PLAC8L1: variants seen among roughly 807,000 people sequenced by gnomAD.
PLAC8L1 encodes the protein PLAC8-like protein 1.
A neutral mutation model predicts 16.3 loss-of-function variants in PLAC8L1; 13 were observed. The ratio of observed to expected loss-of-function variants is 0.80; its 90% CI spans 0.52 to 1.27. PLAC8L1 has a LOEUF of 1.27. Ranked by LOEUF, PLAC8L1 falls within the 50% of genes most tolerant of loss-of-function variation. The pLI, the probability that PLAC8L1 is intolerant of heterozygous loss-of-function variation, is 0.00. For synonymous variants in PLAC8L1, 78 were observed against 79.3 expected (o/e 0.98, Z 0.09); for missense variants, 184 against 220.2 (o/e 0.84, Z 1.04).
intron 1 of PLAC8L1, chr5:146,103,545 G>T (rs1325121138): frequency 1.7e-6 from 1 of 604,360 alleles, no homozygotes; most frequent in African/African-American, 2.0e-5. Context: ...TCCCAGGATA[G>T]GGAAGTTTTA....
Position 146,104,193 on chromosome 5 carries a change from C to T in PLAC8L1, c.119G>A (p.Arg40Lys), listed in dbSNP as rs147348129. ...GGGAAAAACTCACCCTATTCCCTAC[C>T]TCAAGTTGGAAATAAAATGTTCATC... is the stretch of plus-strand genomic sequence containing the variant. ...SEDEHFISNL[R>K]GHVPASAVVK... The change falls in exon 1 of 4, where the codon AGA becomes AAA. Residue 40 changes from arginine (R) to lysine (K), a missense_variant and splice_region_variant. Arg to Lys is a conservative substitution (Grantham distance 26). Transcript: ENST00000311450. The T allele has an allele frequency of 5.2e-4, 832 of 1,613,240 alleles. No homozygotes were observed. The highest frequency in any genetic ancestry group is 6.5e-4 in the Non-Finnish European group (772 of 1,179,620).
chr5:146,088,234 T>A (rs1001121217), intron 2 of PLAC8L1, among the ~76,000 whole-genome samples: 1 of 152,214 alleles, frequency 6.6e-6, no homozygotes, highest in Non-Finnish European at 1.5e-5. Flanking sequence ...AGTACTGGGA[T>A]TACAAGCATG....
Position 146,098,251 on chromosome 5 carries a change from C to A in PLAC8L1, c.161G>T (p.Arg54Leu). ...PASAVVKQPV[R>L]GASGRTTITA... The stretch of plus-strand genomic sequence containing the variant: ...GATTGTCGTCCTGCCACTGGCTCCC[C>A]GAACAGGCTGCTTCACCACAGCGCT... The change falls in exon 2 of 4, where the codon CGG (arginine) becomes CTG (leucine). Residue 54 changes from arginine (R) to leucine (L), a missense_variant. By Grantham distance (102) the Arg-to-Leu change is moderately radical. Transcript: ENST00000311450. 6.2e-7 allele frequency: 1 copy of A among 1,614,138 alleles called. No homozygotes were observed. The highest frequency in any genetic ancestry group is 2.2e-5 in the East Asian group (1 of 44,888).
At chr5:146,101,617 A>G (rs1407525725) in intron 1 of PLAC8L1, among the ~76,000 whole-genome samples, 2 of 152,232 alleles carry the variant, frequency 1.3e-5, no homozygotes, top group Non-Finnish European at 2.9e-5. Context: ...GGGCTGGACC[A>G]AATAGATTCT....
rs145952722 is a variant in PLAC8L1, at chr5:146,085,851, G to A, written c.257-254C>T. ...TACAATTCTGTTAGCATTGACTATG[G>A]TAATTGTTTTGTTCCTGTTAAGAGA... On this transcript the variant is annotated intron_variant, in intron 2 of 3. Coordinates refer to ENST00000311450, the MANE Select transcript of PLAC8L1 (RefSeq NM_001029869.3). Among the ~76,000 whole-genome samples the A allele has an allele frequency of 3.1e-3, 470 of 152,156 alleles. 1 individual carries two copies. The highest frequency in any genetic ancestry group is 5.2e-3 in the Non-Finnish European group (351 of 67,996).
At chr5:146,101,590 C>T (rs1314887759) in intron 1 of PLAC8L1, among the ~76,000 whole-genome samples, 1 of 152,200 alleles carries the variant, frequency 6.6e-6, no homozygotes, top group Non-Finnish European at 1.5e-5. Flanking sequence ...CTCATGGGTG[C>T]ATGATAAGTA....
chr5:146,104,028 A>C (rs1248851644), intron 1 of PLAC8L1, 165 bp downstream of exon 1: 1 of 985,350 alleles, frequency 1.0e-6, no homozygotes, highest in East Asian at 1.1e-4. Context: ...AAAGGCCAGA[A>C]GGAACAAATC....
At chr5:146,094,945 C>T (rs1580977182) in intron 2 of PLAC8L1, among the ~76,000 whole-genome samples, 1 of 152,224 alleles carries the variant, frequency 6.6e-6, no homozygotes, top group Non-Finnish European at 1.5e-5. Context: ...CCCTTTGTTC[C>T]CAAGTCTGTC....
At chr5:146,084,651 T>G in intron 3 of PLAC8L1, 79 bp from the exon 4 acceptor site, 1 of 1,535,810 alleles carries the variant, frequency 6.5e-7, no homozygotes, top group Non-Finnish European at 8.8e-7. Context: ...CAATGTTACC[T>G]CCTGGCCCTT....
At chr5:146,092,534 GA>G (rs1228128640) in intron 2 of PLAC8L1, among the ~76,000 whole-genome samples, 9 of 132,648 alleles carry the variant, frequency 6.8e-5, no homozygotes, top group African/African-American at 2.2e-4. Flanking sequence ...AATCTTTGCA[GA>G]TTTTTTTTTT....
At chr5:146,094,919 C>T (rs534573941) in intron 2 of PLAC8L1, among the ~76,000 whole-genome samples, 1 of 152,318 alleles carries the variant, frequency 6.6e-6, no homozygotes, top group African/African-American at 2.4e-5. Context: ...ATGGAACAGT[C>T]ATGAGAAGAA....
chr5:146,090,925 G>A (rs1656776560), intron 2 of PLAC8L1, among the ~76,000 whole-genome samples: 1 of 151,966 alleles, frequency 6.6e-6, no homozygotes, highest in South Asian at 2.1e-4. Context: ...GTGGTGGCAG[G>A]TGTCTGTAAT....
intron 2 of PLAC8L1, among the ~76,000 whole-genome samples, chr5:146,091,009 G>A (rs1763610829): frequency 6.6e-6 from 1 of 151,744 alleles, no homozygotes; most frequent in Non-Finnish European, 1.5e-5. Context: ...AGTAGAGATC[G>A]CACCACTGCA....
chr5:146,100,997 C>T (rs1332079346), intron 1 of PLAC8L1, among the ~76,000 whole-genome samples: 2 of 151,902 alleles, frequency 1.3e-5, no homozygotes, highest in Non-Finnish European at 2.9e-5. Flanking sequence ...CTCAGGAGCT[C>T]GAGACCAGCC....
In PLAC8L1 at chr5:146,101,935, T is replaced by C. The variant is rs1580982748; in HGVS notation, c.119+2258A>G. Among the ~76,000 whole-genome samples, 3 of 152,220 alleles carry C rather than the reference T, an allele frequency of 2.0e-5. No homozygotes were observed. The South Asian group carries it at 6.2e-4, about 31-fold the overall frequency. ...ACTCAGTATTATGTGCGTGACACCT[T>C]TTATTATAGCAAGGAATGCTGTATT... On this transcript the variant is annotated intron_variant, in intron 1 of 3. Transcript: ENST00000311450.
intron 2 of PLAC8L1, among the ~76,000 whole-genome samples, chr5:146,093,833 A>G (rs550093715): frequency 1.3e-5 from 2 of 152,062 alleles, no homozygotes; most frequent in African/African-American, 2.4e-5. Context: ...TTGGGTATCT[A>G]CTAGTTCCTA....
At position 146,098,176 on chromosome 5, in the gene PLAC8L1, A is replaced by C; in HGVS notation, c.236T>G (p.Val79Gly). 6.2e-7 allele frequency: 1 copy of C among 1,613,844 alleles called. No homozygotes were observed. Among genetic ancestry groups the C allele is most frequent in the Non-Finnish European group, 8.5e-7 (1 of 1,179,838 alleles). Residue 79 changes from valine to glycine, a missense_variant, in exon 2 of 4, where the codon GTC (valine) becomes GGC (glycine). Physicochemically the swap from Val to Gly is moderately radical, Grantham distance 109. Transcript: ENST00000311450. ...GGGWSTGLFS[V>G]CRDRRICFCG... ...CTTACAAATTCTCCTATCTCTGCAGACACTGAAGAGACCGGTGCTCCAGCC... is the reference window on the plus strand; with the variant it reads ...CTTACAAATTCTCCTATCTCTGCAGCCACTGAAGAGACCGGTGCTCCAGCC...
chr5:146,094,010 A>G (rs1287924984), intron 2 of PLAC8L1, among the ~76,000 whole-genome samples: 1 of 152,168 alleles, frequency 6.6e-6, no homozygotes, highest in Non-Finnish European at 1.5e-5. Context: ...CACTCTGTTT[A>G]ATTTCTTCAT....
intron 3 of PLAC8L1, 113 bp from the exon 4 acceptor site, chr5:146,084,685 C>T (rs1002120955): frequency 7.2e-7 from 1 of 1,385,008 alleles, no homozygotes; most frequent in African/African-American, 1.4e-5. Context: ...CAAGGTTCAC[C>T]AACATCCTTA....
Sources: allele counts gnomAD v4.1 joint callset (sites outside exome capture counted in the v4.1 genomes callset), GRCh38; gene constraint gnomAD v4.1.1; transcripts MANE v1.5; gene names NCBI Gene and HGNC (gene_info 2026-07-23, HGNC 2026-07-21).